The following BCL11A variants were observed in gnomAD, a reference collection of about 807,000 sequenced individuals.
The protein encoded by BCL11A is BCL11 transcription factor A.
Under a neutral mutation model 55.9 loss-of-function variants are expected in BCL11A, and 2 were observed. That is an observed-to-expected ratio of 0.04 (90% CI 0.01 to 0.11). The LOEUF is 0.11. Ranked by LOEUF, BCL11A falls within the 10% of genes least tolerant of loss-of-function variation. The probability of loss-of-function intolerance (pLI) is 1.00; values close to 1 mark genes in which losing one functional copy is unlikely to be tolerated. For missense variants in BCL11A, 817 were observed against 1,137.1 expected, an observed-to-expected ratio of 0.72 and a Z score of 4.05; for synonymous variants, 465 against 473.4, an observed-to-expected ratio of 0.98 and a Z score of 0.23.
rs1369704688 is a variant in BCL11A at position 60,467,136 on chromosome 2, T to TG, written c.487+1595dup. Among the ~76,000 whole-genome samples, 224 of 138,982 alleles carry TG rather than the reference T, an allele frequency of 1.6e-3. 1 individual carries two copies. Among genetic ancestry groups the TG allele is most frequent in the African/African-American group, 4.2e-3 (149 of 35,606 alleles). The allele number at this position is 138,982 out of a possible 152,430, so 91.2% of individuals were successfully genotyped here. On this transcript the variant is annotated intron_variant, in intron 3 of 3. Transcript: ENST00000642384. The stretch of plus-strand genomic sequence containing the variant: ...GTGGTGGTGGTGGTGGTGATGGTGG[T>TG]GTTGGTGGTGATGGTGGTGGTGGTG...
intron 3 of BCL11A, among the ~76,000 whole-genome samples, chr2:60,467,129 ATGGTGGTGTTGGTGG>A (rs1676683534): frequency 1.4e-5 from 1 of 70,690 alleles, no homozygotes; most frequent in African/African-American, 5.5e-5. Context: ...GGTGGTGGTG[ATGGTGGTGTTGGTGG>A]TGATGGTGGT....
chr2:60,452,462 C>A, downstream of BCL11A: 1 of 871,472 alleles, frequency 1.1e-6, no homozygotes, highest in Non-Finnish European at 1.9e-6. Flanking sequence ...CTTCGCACAA[C>A]GGCTTCTTGG....
At chr2:60,485,385 C>T (rs112279202) in intron 2 of BCL11A, among the ~76,000 whole-genome samples, 17 of 152,384 alleles carry the variant, frequency 1.1e-4, no homozygotes, top group African/African-American at 3.6e-4. Context: ...CATGCCTCTA[C>T]GGCCATGTTG....
At chr2:60,496,085 T>A (rs1395306684) in intron 2 of BCL11A, among the ~76,000 whole-genome samples, 4 of 152,204 alleles carry the variant, frequency 2.6e-5, no homozygotes, top group Non-Finnish European at 5.9e-5. Context: ...GGCTTTAGGA[T>A]AACCGGAGGG....
chr2:60,508,491 C>CT (rs1366664655), intron 2 of BCL11A: 2 of 152,260 alleles, frequency 1.3e-5, no homozygotes, highest in African/African-American at 4.8e-5. Flanking sequence ...AGGAATGCAA[C>CT]TGGGAGGTTC....
chr2:60,550,951 G>C (rs1260550048), intron 1 of BCL11A: 1 of 397,660 alleles, frequency 2.5e-6, no homozygotes, highest in African/African-American at 2.1e-5. Context: ...GCGGGGGAGA[G>C]CGGCGAGGGA....
intron 2 of BCL11A, among the ~76,000 whole-genome samples, chr2:60,506,761 C>T (rs1222622392): frequency 6.6e-6 from 1 of 152,212 alleles, no homozygotes; most frequent in Non-Finnish European, 1.5e-5. Context: ...TCAGCAACCT[C>T]AAATAATGTC....
chr2:60,531,010 C>T (rs1305928713), intron 2 of BCL11A, among the ~76,000 whole-genome samples: 1 of 152,250 alleles, frequency 6.6e-6, no homozygotes, highest in Non-Finnish European at 1.5e-5. Flanking sequence ...TCTGGCTACA[C>T]CATGGCCAGG....
chr2:60,523,508 C>T (rs1229396115), intron 2 of BCL11A, among the ~76,000 whole-genome samples: 4 of 152,098 alleles, frequency 2.6e-5, no homozygotes, highest in Non-Finnish European at 2.9e-5. Flanking sequence ...TCCCTTTCTA[C>T]ACACACACAG....
chr2:60,517,886 G>C (rs190744636), intron 2 of BCL11A, among the ~76,000 whole-genome samples: 2 of 149,650 alleles, frequency 1.3e-5, no homozygotes, highest in Non-Finnish European at 1.5e-5. Context: ...TGCTCAAAGA[G>C]CTGTGCTTTC....
intron 2 of BCL11A, chr2:60,536,648 C>A (rs1399386470): frequency 6.6e-6 from 1 of 152,184 alleles, no homozygotes; most frequent in African/African-American, 2.4e-5. Flanking sequence ...CCCTAACTGC[C>A]TTCAAGTGAT....
chr2:60,471,350 C>T (rs907135713), intron 2 of BCL11A, among the ~76,000 whole-genome samples: 2 of 152,238 alleles, frequency 1.3e-5, no homozygotes, highest in Non-Finnish European at 2.9e-5. Flanking sequence ...TATCTTCCTT[C>T]AGGAAGAGGG....
intron 3 of BCL11A, among the ~76,000 whole-genome samples, chr2:60,464,895 C>T (rs576070706): frequency 6.6e-6 from 1 of 152,136 alleles, no homozygotes. Flanking sequence ...GGCATTTTAT[C>T]TTATAATGAG....
chr2:60,459,321 C>T lies in BCL11A; in HGVS notation c.*1083G>A. 7.9e-6 allele frequency: 8 copies of T among 1,016,812 alleles called. No individual in the cohort carries two copies. The highest frequency in any genetic ancestry group is 9.4e-6 in the Non-Finnish European group (8 of 847,422). 63.0% of individuals were successfully genotyped at this position (1,016,812 alleles called of 1,614,324 possible). On this transcript the variant is annotated 3_prime_UTR_variant, in exon 4 of 4. Coordinates refer to ENST00000642384, the MANE Select transcript of BCL11A (RefSeq NM_022893.4). The stretch of plus-strand genomic sequence containing the variant: ...AGCAAATATCTTCATAAAATGAACT[C>T]CTTACTAGTGTATTTAATTGCGTTC...
In BCL11A at chr2:60,459,802, C is replaced by G; in HGVS notation, c.*602G>C. The stretch of plus-strand genomic sequence containing the variant: ...TAACCCTTTAGAGACAGACATTTAG[C>G]TCATAGAGATTTTTTTTCAGTGCTA... On this transcript the variant is annotated 3_prime_UTR_variant, in exon 4 of 4. Transcript: ENST00000642384. 2 of 1,043,114 alleles carry G rather than the reference C, an allele frequency of 1.9e-6. No individual in the cohort carries two copies. The highest frequency in any genetic ancestry group is 2.3e-6 in the Non-Finnish European group (2 of 865,192). The allele number at this position is 1,043,114 out of a possible 1,614,324, so 64.6% of individuals were successfully genotyped here.
intron 2 of BCL11A, chr2:60,533,448 C>G (rs769616350): frequency 6.6e-6 from 1 of 152,182 alleles, no homozygotes; most frequent in Non-Finnish European, 1.5e-5. Context: ...ACAGCCAACG[C>G]GACTGAAGCA....
chr2:60,533,344 G>C (rs1669538745), intron 2 of BCL11A: 1 of 152,102 alleles, frequency 6.6e-6, no homozygotes, highest in African/African-American at 2.4e-5. Context: ...AGAGAGAGAG[G>C]AGAGAAAGAG....
At chr2:60,487,073 C>T (rs111950981) in intron 2 of BCL11A, among the ~76,000 whole-genome samples, 3 of 152,306 alleles carry the variant, frequency 2.0e-5, no homozygotes, top group African/African-American at 4.8e-5. Flanking sequence ...AGTGAGTTTC[C>T]CTGCCTCCAA....
At chr2:60,473,738 T>G (rs1391717073) in intron 2 of BCL11A, among the ~76,000 whole-genome samples, 3 of 152,232 alleles carry the variant, frequency 2.0e-5, no homozygotes, top group Non-Finnish European at 4.4e-5. Context: ...GAGCAAACAT[T>G]AGCTATGCCT....
Sources: allele counts gnomAD v4.1 joint callset (sites outside exome capture counted in the v4.1 genomes callset), GRCh38; gene constraint gnomAD v4.1.1; transcripts MANE v1.5; gene names NCBI Gene and HGNC (gene_info 2026-07-23, HGNC 2026-07-21).